PCCA: variants seen among roughly 807,000 people sequenced by gnomAD.
The protein encoded by PCCA is propionyl-CoA carboxylase subunit alpha.
In PCCA, 74 loss-of-function variants were observed where a neutral mutation model predicts 101.3. The observed-to-expected ratio is 0.73, with a 90% CI of 0.61 to 0.89. The LOEUF is 0.89. Among genes scored for constraint, PCCA ranks in the 40% least tolerant of loss-of-function variants. The pLI is 0.00. For synonymous variants in PCCA, 294 were observed against 313.6 expected, an observed-to-expected ratio of 0.94 and a Z score of 0.66; for missense variants, 891 against 907.0, an observed-to-expected ratio of 0.98 and a Z score of 0.23.
At chr13:100,139,247 T>C (rs1211423918) in intron 4 of PCCA, among the ~76,000 whole-genome samples, 1 of 152,076 alleles carries the variant, frequency 6.6e-6, no homozygotes, top group Non-Finnish European at 1.5e-5. Flanking sequence ...TCACTGACCT[T>C]CTTGAATATG....
intron 4 of PCCA, among the ~76,000 whole-genome samples, chr13:100,125,453 G>A (rs890381530): frequency 3.2e-4 from 49 of 152,296 alleles, no homozygotes; most frequent in African/African-American, 1.1e-3. Flanking sequence ...TGGGAAGGGA[G>A]GAATTGTTTG....
At chr13:100,093,900 A>G (rs933829251) in intron 1 of PCCA, among the ~76,000 whole-genome samples, 3 of 150,964 alleles carry the variant, frequency 2.0e-5, no homozygotes, top group Admixed American at 2.0e-4. Context: ...GATCACACCA[A>G]TGTACTACAG....
At position 100,117,308 on chromosome 13, in the gene PCCA, G is replaced by T. The variant is rs927415290; in HGVS notation, c.300+5247G>T. On this transcript the variant is annotated intron_variant, in intron 4 of 23. Transcript: ENST00000376285. Reference sequence around the variant, plus strand: ...TTAGAAAAGTAGTACCAGTATATTGGTATCAGTTTACTGTTATATACCAGT... The same window carrying T: ...TTAGAAAAGTAGTACCAGTATATTGTTATCAGTTTACTGTTATATACCAGT... 5.9e-5 allele frequency among the ~76,000 whole-genome samples: 9 copies of T among 151,818 alleles called. 1 individual carries two copies. The highest frequency in any genetic ancestry group is 5.9e-4 in the Admixed American group (9 of 15,238).
At chr13:100,318,339 GTC>G (rs372954706) in intron 16 of PCCA, among the ~76,000 whole-genome samples, 1 of 151,746 alleles carries the variant, frequency 6.6e-6, no homozygotes, top group Non-Finnish European at 1.5e-5. Context: ...CTCTGTCTCT[GTC>G]TCTCTCTCTC....
At chr13:100,371,987 A>C (rs1171192312) in intron 19 of PCCA, among the ~76,000 whole-genome samples, 1 of 152,214 alleles carries the variant, frequency 6.6e-6, no homozygotes, top group South Asian at 2.1e-4. Context: ...TCTGTATACA[A>C]AACTAACCAA....
chr13:100,302,603 G>C (rs776301329), intron 13 of PCCA, among the ~76,000 whole-genome samples: 79 of 151,980 alleles, frequency 5.2e-4, no homozygotes, highest in Non-Finnish European at 7.5e-4. Context: ...TTCTAAACTT[G>C]AGTATGTTTT....
rs529720072 is a variant in PCCA at position 100,507,019 on chromosome 13, G to C, written c.1900-8408G>C. On this transcript the variant is annotated intron_variant, in intron 21 of 23. Transcript: ENST00000376285. ...TTCGTAATTACATAAAACAATTCGA[G>C]ATACAGAATAGAAACAGCCTGTACT... Among the ~76,000 whole-genome samples, 15 of 152,208 alleles carry C rather than the reference G, an allele frequency of 9.9e-5. No individual in the cohort carries two copies. In the South Asian group the frequency reaches 3.1e-3, roughly 32 times the overall value.
chr13:100,247,439 A>G (rs939768522), intron 8 of PCCA, among the ~76,000 whole-genome samples: 26 of 145,370 alleles, frequency 1.8e-4, no homozygotes, highest in Admixed American at 1.4e-3. Context: ...GATGGTCTTG[A>G]TCTCCTGAGC....
chr13:100,459,759 G>T (rs549986418), intron 21 of PCCA, among the ~76,000 whole-genome samples: 2 of 152,290 alleles, frequency 1.3e-5, no homozygotes, highest in South Asian at 4.1e-4. Flanking sequence ...ACCATTGACC[G>T]GGTGGCTTAA....
chr13:100,366,614 C>G (rs1179694629), intron 18 of PCCA, among the ~76,000 whole-genome samples: 2 of 152,096 alleles, frequency 1.3e-5, no homozygotes, highest in Non-Finnish European at 2.9e-5. Context: ...GCTCAGACCT[C>G]CTTTTCTTTC....
chr13:100,314,843 C>A (rs1166177787), intron 16 of PCCA, among the ~76,000 whole-genome samples: 1 of 152,174 alleles, frequency 6.6e-6, no homozygotes, highest in Non-Finnish European at 1.5e-5. Flanking sequence ...TGGTTTAGAT[C>A]CTGGACCAGA....
At chr13:100,352,987 G>T (rs1274536794) in intron 18 of PCCA, among the ~76,000 whole-genome samples, 1 of 152,192 alleles carries the variant, frequency 6.6e-6, no homozygotes, top group Non-Finnish European at 1.5e-5. Context: ...AAGTAGCTGG[G>T]ATTACAGGCA....
At chr13:100,427,788 T>G (rs1424932250) in intron 20 of PCCA, among the ~76,000 whole-genome samples, 5 of 152,230 alleles carry the variant, frequency 3.3e-5, no homozygotes, top group Admixed American at 2.0e-4. Context: ...TGGATTTTAT[T>G]TACTTTCTGT....
intron 21 of PCCA, among the ~76,000 whole-genome samples, chr13:100,489,034 G>A (rs12865697): frequency 6.6e-6 from 1 of 152,090 alleles, no homozygotes; most frequent in Non-Finnish European, 1.5e-5. Context: ...GGCTGGGTGC[G>A]GTGGCTCACG....
chr13:100,176,379 C>T (rs1297031212), intron 6 of PCCA, among the ~76,000 whole-genome samples: 1 of 152,152 alleles, frequency 6.6e-6, no homozygotes, highest in Non-Finnish European at 1.5e-5. Flanking sequence ...TCAGGCCTAG[C>T]TGTTTTTAGA....
intron 21 of PCCA, among the ~76,000 whole-genome samples, chr13:100,461,559 C>T (rs189719648): frequency 5.3e-5 from 8 of 152,346 alleles, no homozygotes; most frequent in Admixed American, 2.6e-4. Context: ...TTCCGTATCT[C>T]ATAATTCCAT....
At chr13:100,245,644 A>C (rs1423413705) in intron 8 of PCCA, among the ~76,000 whole-genome samples, 1 of 152,210 alleles carries the variant, frequency 6.6e-6, no homozygotes. Flanking sequence ...GGTAATCATC[A>C]ATAAGACATT....
chr13:100,265,243 T>C (rs1449172259), intron 10 of PCCA, among the ~76,000 whole-genome samples: 1 of 152,190 alleles, frequency 6.6e-6, no homozygotes, highest in Non-Finnish European at 1.5e-5. Context: ...GTTTTTTTGT[T>C]TTAGGTATGA....
At chr13:100,190,797 A>G (rs1318667738) in intron 6 of PCCA, among the ~76,000 whole-genome samples, 1 of 152,018 alleles carries the variant, frequency 6.6e-6, no homozygotes, top group East Asian at 2.0e-4. Context: ...CCCCATCACT[A>G]CAAAAAGTAA....
Sources: gnomAD v4.1 joint callset for allele counts (sites outside exome capture counted in the v4.1 genomes callset) on GRCh38, gnomAD v4.1.1 for gene constraint, MANE v1.5 for transcripts, NCBI Gene and HGNC (gene_info 2026-07-23, HGNC 2026-07-21) for gene names.